IFT140: variants seen among roughly 807,000 people sequenced by gnomAD.
IFT140 encodes intraflagellar transport 140, also known as intraflagellar transport protein 140 homolog.
In IFT140, 133 loss-of-function variants were observed where a neutral mutation model predicts 164.6. The ratio of observed to expected loss-of-function variants is 0.81; its 90% confidence interval spans 0.70 to 0.93. The LOEUF (loss-of-function observed/expected upper bound fraction) is 0.93. Among genes scored for constraint, IFT140 ranks in the 40% least tolerant of loss-of-function variants. The pLI is 0.00. For synonymous variants in IFT140, 860 were observed against 817.3 expected (o/e 1.05, Z -0.89); for missense variants, 2,045 against 1,972.3 (o/e 1.04, Z -0.70).
intron 2 of IFT140, chr16:1,610,186 A>C (rs2036265418): frequency 6.5e-6 from 1 of 155,006 alleles, no homozygotes; most frequent in Non-Finnish European, 1.5e-5. Context: ...CCTCCAGGCC[A>C]CAGTCCAGAG....
chr16:1,555,025 G>C, intron 19 of IFT140: 1 of 1,607,352 alleles, frequency 6.2e-7, no homozygotes, highest in Non-Finnish European at 8.5e-7. Flanking sequence ...TCACCATGCT[G>C]AGTCGCCCTT....
chr16:1,573,797 T>G (rs573893154), intron 13 of IFT140, among the ~76,000 whole-genome samples: 1 of 152,256 alleles, frequency 6.6e-6, no homozygotes, highest in East Asian at 1.9e-4. Context: ...TTCTCCACCC[T>G]TAAGCTTGGC....
At chr16:1,530,976 G>C (rs928359592) in intron 19 of IFT140, 2 of 152,294 alleles carry the variant, frequency 1.3e-5, no homozygotes, top group African/African-American at 4.8e-5. Flanking sequence ...CCCACGGGAA[G>C]GGCGGTCACA....
Position 1,589,675 on chromosome 16 carries a change from A to C in IFT140, c.740T>G (p.Val247Gly). 6.2e-7 allele frequency: 1 copy of C among 1,614,158 alleles called. No homozygotes were observed. The highest frequency in any genetic ancestry group is 8.5e-7 in the Non-Finnish European group (1 of 1,180,028). ...FYMEKREALV[V>G]VTENLRLSLY... ...GGACAGCCGGAGGTTCTCTGTGACC[A>C]CCACCAGTGCCTCCCTCTTCTCCAT... Residue 247 changes from valine to glycine, a missense_variant, in exon 7 of 31, where the codon GTG (valine) becomes GGG (glycine). By Grantham distance (109) the Val-to-Gly change is moderately radical. Coordinates refer to ENST00000426508, the MANE Select transcript of IFT140 (RefSeq NM_014714.4).
At chr16:1,607,432 G>A (rs935874327) in intron 2 of IFT140, 135 bp from the exon 3 acceptor site, 5 of 682,330 alleles carry the variant, frequency 7.3e-6, no homozygotes, top group African/African-American at 3.6e-5. Flanking sequence ...AATGCCTTGC[G>A]GACTGAGCAG....
intron 4 of IFT140, among the ~76,000 whole-genome samples, chr16:1,596,532 G>C (rs1246695874): frequency 6.6e-6 from 1 of 152,176 alleles, no homozygotes; most frequent in Non-Finnish European, 1.5e-5. Flanking sequence ...CAAAAGTTTA[G>C]AGCGCCTGCG....
At chr16:1,557,236 C>G (rs1360612947) in intron 19 of IFT140, among the ~76,000 whole-genome samples, 1 of 152,168 alleles carries the variant, frequency 6.6e-6, no homozygotes, top group Admixed American at 6.5e-5. Context: ...GGTGCATGTG[C>G]AAACCGGAAA....
At chr16:1,611,235 CG>C (rs1302078529) in intron 1 of IFT140, among the ~76,000 whole-genome samples, 1 of 152,182 alleles carries the variant, frequency 6.6e-6, no homozygotes, top group African/African-American at 2.4e-5. Context: ...CGGCCGGACG[CG>C]GGGCTCGCGC....
intron 7 of IFT140, among the ~76,000 whole-genome samples, chr16:1,588,889 G>C (rs2035034624): frequency 6.6e-6 from 1 of 152,188 alleles, no homozygotes; most frequent in South Asian, 2.1e-4. Flanking sequence ...CTGTGGCCGT[G>C]GAAGGAGACA....
At chr16:1,522,568 T>C (rs8055979) in intron 26 of IFT140, among the ~76,000 whole-genome samples, 66,725 of 151,864 alleles carry the variant, frequency 0.44, 17,643 homozygotes, top group African/African-American at 0.74. Context: ...CGGCCAAGCA[T>C]GGTGGCTCAC....
intron 19 of IFT140, 115 bp downstream of exon 19, chr16:1,557,820 C>A: frequency 2.0e-6 from 2 of 995,336 alleles, no homozygotes; most frequent in Non-Finnish European, 3.1e-6. Flanking sequence ...TACACCATGA[C>A]GCAGTCATGA....
intron 19 of IFT140, among the ~76,000 whole-genome samples, chr16:1,527,826 G>A (rs1210169403): frequency 1.3e-5 from 2 of 152,176 alleles, no homozygotes; most frequent in East Asian, 3.9e-4. Flanking sequence ...ACCTGCCTTG[G>A]CCTCCCACAC....
At chr16:1,528,158 C>T (rs909817063) in intron 19 of IFT140, among the ~76,000 whole-genome samples, 3 of 152,112 alleles carry the variant, frequency 2.0e-5, no homozygotes, top group South Asian at 2.1e-4. Context: ...TCAGCCCTGA[C>T]GTGGGCTCAG....
chr16:1,517,632 C>T (rs1052083781), intron 30 of IFT140, among the ~76,000 whole-genome samples: 8 of 152,136 alleles, frequency 5.3e-5, no homozygotes, highest in Non-Finnish European at 8.8e-5. Context: ...AGTGACTACA[C>T]GCTGTCTCTA....
Position 1,607,309 on chromosome 16 carries a change from A to C in IFT140, c.-31-12T>G, listed in dbSNP as rs1174023900. ...CTCAGCGCTGAAACCTGCAGGGAAA[A>C]AAAAATGACCAAGTCCAATCAGTTT... On this transcript the variant is annotated splice_polypyrimidine_tract_variant and intron_variant, in intron 2 of 30. Coordinates refer to ENST00000426508, the MANE Select transcript of IFT140 (RefSeq NM_014714.4). 1.3e-6 allele frequency: 2 copies of C among 1,575,930 alleles called. No homozygotes were observed. Among genetic ancestry groups the C allele is most frequent in the Non-Finnish European group, 1.7e-6 (2 of 1,162,166 alleles).
intron 4 of IFT140, among the ~76,000 whole-genome samples, chr16:1,594,800 G>A (rs990174771): frequency 2.0e-5 from 3 of 152,144 alleles, no homozygotes; most frequent in Non-Finnish European, 4.4e-5. Flanking sequence ...CCGTGTGCGT[G>A]GCTCTTCCGC....
In IFT140 at chr16:1,602,270, T is replaced by G. The variant is rs532922625; in HGVS notation, c.369+100A>C. The G allele has an allele frequency of 4.9e-6, 5 of 1,019,322 alleles. 1 individual carries two copies. Among genetic ancestry groups the G allele is most frequent in the Middle Eastern group, 2.0e-4 (1 of 4,946 alleles). 63.1% of individuals were successfully genotyped at this position (1,019,322 alleles called of 1,614,324 possible). On this transcript the variant is annotated intron_variant, in intron 4 of 30. Coordinates refer to ENST00000426508, the MANE Select transcript of IFT140 (RefSeq NM_014714.4). ...TTGCATCTGACAAGATCAACTGAAT[T>G]TGGCAACAGCACGGTTCCCATATTT...
intron 19 of IFT140, among the ~76,000 whole-genome samples, chr16:1,550,339 G>A (rs752354170): frequency 1.3e-5 from 2 of 152,208 alleles, no homozygotes; most frequent in African/African-American, 2.4e-5. Context: ...ACCATGCACA[G>A]GGAGGTCATG....
At chr16:1,558,766 G>A (rs1018933366) in intron 18 of IFT140, among the ~76,000 whole-genome samples, 1 of 152,220 alleles carries the variant, frequency 6.6e-6, no homozygotes, top group Non-Finnish European at 1.5e-5. Context: ...TCTGGATCCC[G>A]TTTCTCTGAG....
Sources: gnomAD v4.1 joint callset for allele counts (sites outside exome capture counted in the v4.1 genomes callset) on GRCh38, gnomAD v4.1.1 for gene constraint, MANE v1.5 for transcripts, NCBI Gene and HGNC (gene_info 2026-07-23, HGNC 2026-07-21) for gene names.